Variants in CKS2 observed in about 807,000 individuals in gnomAD.
CKS2 encodes cyclin-dependent kinases regulatory subunit 2.
Under a neutral mutation model 14.3 loss-of-function variants are expected in CKS2, and 4 were observed. The observed-to-expected ratio is 0.28, with a 90% CI of 0.14 to 0.64. CKS2 has a LOEUF of 0.64. Among genes scored for constraint, CKS2 ranks in the 30% least tolerant of loss-of-function variants. The probability of loss-of-function intolerance (pLI) is 0.83; values close to 1 mark genes in which losing one functional copy is unlikely to be tolerated. For synonymous variants in CKS2, 33 were observed against 28.7 expected (o/e 1.15, Z -0.48); for missense variants, 71 against 94.3 (o/e 0.75, Z 1.02).
At chr9:89,313,406 T>A (rs1824654651) in intron 1 of CKS2, among the ~76,000 whole-genome samples, 1 of 152,194 alleles carries the variant, frequency 6.6e-6, no homozygotes, top group South Asian at 2.1e-4. Context: ...GAAAAACTGT[T>A]AATTTTTCTG....
Position 89,316,457 on chromosome 9 carries a change from A to G in CKS2, c.*32A>G. On this transcript the variant is annotated 3_prime_UTR_variant, in exon 3 of 3. Coordinates refer to ENST00000314355, the MANE Select transcript of CKS2 (RefSeq NM_001827.3). ...TCTGGGGATCGTCAAATCTTTTTCA[A>G]ATTTAATGTATATGTGTATATAAGG... The G allele has an allele frequency of 1.5e-6, 2 of 1,352,868 alleles. No homozygotes were observed. The highest frequency in any genetic ancestry group is 1.2e-5 in the South Asian group (1 of 82,450). The allele number at this position is 1,352,868 out of a possible 1,614,324, so 83.8% of individuals were successfully genotyped here. A position where few individuals can be genotyped will look rare whatever the true frequency, so the allele number is the denominator to read the frequency against.
In CKS2 at chr9:89,316,366, T is replaced by C. The variant is rs751083615; in HGVS notation, c.188-7T>C. On this transcript the variant is annotated splice_polypyrimidine_tract_variant and splice_region_variant and intron_variant, in intron 2 of 2. Coordinates refer to ENST00000314355, the MANE Select transcript of CKS2 (RefSeq NM_001827.3). ...TTAAAATGATTCAAAACATTTTCTT[T>C]CCACAGAACCACATATTCTTCTCTT... 17 of 1,564,960 alleles carry C rather than the reference T, an allele frequency of 1.1e-5. No homozygotes were observed. The South Asian group carries it at 1.8e-4, about 17-fold the overall frequency.
chr9:89,316,500 T>C lies in CKS2; in HGVS notation c.*75T>C, dbSNP rs188051442. On this transcript the variant is annotated 3_prime_UTR_variant, in exon 3 of 3. Coordinates refer to ENST00000314355, the MANE Select transcript of CKS2 (RefSeq NM_001827.3). ...ATATAAGGTAGTATTCAGTGAATAC[T>C]TGAGAAATGTACAAATCTTTCATCC... is the stretch of plus-strand genomic sequence containing the variant. 2.4e-3 allele frequency: 2,144 copies of C among 909,530 alleles called. 9 individuals carry two copies. Among genetic ancestry groups the C allele is most frequent in the South Asian group, 1.6e-3 (109 of 69,118 alleles). The allele number at this position is 909,530 out of a possible 1,614,324, so 56.3% of individuals were successfully genotyped here. A position where few individuals can be genotyped will look rare whatever the true frequency, so the allele number is the denominator to read the frequency against.
At chr9:89,311,485 C>A in intron 1 of CKS2, 134 bp downstream of exon 1, 1 of 596,304 alleles carries the variant, frequency 1.7e-6, no homozygotes, top group South Asian at 2.9e-5. Flanking sequence ...GGGCGAGGGC[C>A]GGGGTTTGGG....
intron 1 of CKS2, 57 bp downstream of exon 1, chr9:89,311,408 G>T: frequency 6.8e-7 from 1 of 1,466,112 alleles, no homozygotes; most frequent in Non-Finnish European, 9.3e-7. Flanking sequence ...CCCGCGGGCG[G>T]GGCGACCCAG....
chr9:89,314,324 T>C (rs1824670282), intron 1 of CKS2, among the ~76,000 whole-genome samples: 1 of 152,216 alleles, frequency 6.6e-6, no homozygotes. Flanking sequence ...CAGATTTGTT[T>C]TTGAGAATCT....
intron 1 of CKS2, 82 bp downstream of exon 1, chr9:89,311,433 G>A (rs1016749489): frequency 1.8e-5 from 20 of 1,104,430 alleles, no homozygotes; most frequent in Non-Finnish European, 2.3e-5. Context: ...AGTAGGGTCG[G>A]GGGTGGGGGC....
intron 1 of CKS2, among the ~76,000 whole-genome samples, chr9:89,314,092 CACAG>C (rs1164655965): frequency 1.3e-5 from 2 of 152,212 alleles, no homozygotes; most frequent in African/African-American, 4.8e-5. Context: ...CCAGCTGACT[CACAG>C]ACAGATATCT....
In CKS2 at chr9:89,315,218, T is replaced by C; in HGVS notation, c.108T>C (p.His36=). The C allele has an allele frequency of 6.2e-7, 1 of 1,612,030 alleles. No individual in the cohort carries two copies. Among genetic ancestry groups the C allele is most frequent in the East Asian group, 2.2e-5 (1 of 44,784 alleles). ...TTTCCAAACAAGTACCTAAAACTCA[T>C]CTGATGTCTGAAGAGGAGTGGAGGA... ...RELSKQVPKT[H]LMSEEEWRRL... The change falls in exon 2 of 3, where the codon CAT becomes CAC. Residue 36 remains histidine (H), a synonymous_variant. Coordinates refer to ENST00000314355, the MANE Select transcript of CKS2 (RefSeq NM_001827.3).
intron 1 of CKS2, among the ~76,000 whole-genome samples, chr9:89,312,538 G>T (rs1824639228): frequency 6.6e-6 from 1 of 152,166 alleles, no homozygotes; most frequent in Non-Finnish European, 1.5e-5. Flanking sequence ...AAAACAGTGG[G>T]TGGTTTCTCT....
At chr9:89,311,598 G>A (rs1006028182) in intron 1 of CKS2, among the ~76,000 whole-genome samples, 2 of 152,228 alleles carry the variant, frequency 1.3e-5, no homozygotes, top group African/African-American at 4.8e-5. Context: ...TGAGGGAAGA[G>A]TGCCCACCGG....
chr9:89,315,734 G>A (rs1009056185), intron 2 of CKS2, among the ~76,000 whole-genome samples: 1 of 152,058 alleles, frequency 6.6e-6, no homozygotes, highest in African/African-American at 2.4e-5. Context: ...GAACTCAACT[G>A]TGCTTATGGG....
At chr9:89,311,451 T>C in intron 1 of CKS2, 100 bp downstream of exon 1, 2 of 355,826 alleles carry the variant, frequency 5.6e-6, no homozygotes, top group Non-Finnish European at 1.0e-5. Flanking sequence ...GGCCGGGGCC[T>C]GGGGGGCGGA....
intron 1 of CKS2, among the ~76,000 whole-genome samples, chr9:89,312,842 A>G (rs1824644569): frequency 6.6e-6 from 1 of 152,250 alleles, no homozygotes; most frequent in South Asian, 2.1e-4. Flanking sequence ...CTAGAAAATT[A>G]TTCTGAAACA....
intron 1 of CKS2, among the ~76,000 whole-genome samples, chr9:89,314,492 GT>G (rs749841278): frequency 6.6e-6 from 1 of 152,208 alleles, no homozygotes; most frequent in Non-Finnish European, 1.5e-5. Context: ...GTGGTTTTCT[GT>G]TTTTAATTTT....
intron 1 of CKS2, among the ~76,000 whole-genome samples, chr9:89,313,231 G>A (rs1824651788): frequency 6.6e-6 from 1 of 152,162 alleles, no homozygotes; most frequent in Admixed American, 6.5e-5. Flanking sequence ...AAATTTCAAA[G>A]GCTAGTATTT....
intron 1 of CKS2, chr9:89,312,160 CTT>C (rs895082912): frequency 7.1e-5 from 11 of 154,474 alleles, no homozygotes; most frequent in African/African-American, 2.7e-4. Context: ...CTTTGAGAAA[CTT>C]TTGCGTTTGA....
chr9:89,311,332 G>C lies in CKS2; in HGVS notation c.40G>C (p.Asp14His). ...GATCTACTACTCGGACAAGTACTTCGACGAACACTACGAGTACCGGTGGGC... is the reference window on the plus strand; with the variant it reads ...GATCTACTACTCGGACAAGTACTTCCACGAACACTACGAGTACCGGTGGGC... ...KQIYYSDKYFDEHYEYRHVML... is the reference protein window; with the variant it reads ...KQIYYSDKYFHEHYEYRHVML... Residue 14 changes from aspartate to histidine, a missense_variant, in exon 1 of 3, where the codon GAC becomes CAC. Physicochemically the swap from Asp to His is moderately conservative, Grantham distance 81. Coordinates refer to ENST00000314355, the MANE Select transcript of CKS2 (RefSeq NM_001827.3). 6.2e-7 allele frequency: 1 copy of C among 1,610,696 alleles called. No individual in the cohort carries two copies. Among genetic ancestry groups the C allele is most frequent in the Non-Finnish European group, 8.5e-7 (1 of 1,178,770 alleles).
chr9:89,313,685 G>A (rs1348490090), intron 1 of CKS2, among the ~76,000 whole-genome samples: 1 of 152,192 alleles, frequency 6.6e-6, no homozygotes, highest in Non-Finnish European at 1.5e-5. Context: ...TACTCTGTAA[G>A]TTTGATAGAA....
Sources: allele counts gnomAD v4.1 joint callset (sites outside exome capture counted in the v4.1 genomes callset), GRCh38; gene constraint gnomAD v4.1.1; transcripts MANE v1.5; gene names NCBI Gene and HGNC (gene_info 2026-07-23, HGNC 2026-07-21).